The following TRDN variants were observed in gnomAD, a reference collection of about 807,000 sequenced individuals.
The protein encoded by TRDN is triadin.
Under a neutral mutation model 149.7 loss-of-function variants are expected in TRDN, and 161 were observed. That is an observed-to-expected ratio of 1.08 (90% CI 0.95 to 1.23). The LOEUF (loss-of-function observed/expected upper bound fraction) is 1.23. TRDN is among the 50% of genes most tolerant of loss of function. The pLI is 0.00. For missense variants in TRDN, 896 were observed against 823.5 expected (o/e 1.09, Z -1.08); for synonymous variants, 294 against 250.5 (o/e 1.17, Z -1.64).
At chr6:123,409,179 A>G (rs900246488) in intron 12 of TRDN, among the ~76,000 whole-genome samples, 14 of 152,304 alleles carry the variant, frequency 9.2e-5, no homozygotes, top group African/African-American at 3.4e-4. Flanking sequence ...ATAATATCAT[A>G]TAGTCACTTA....
chr6:123,321,329 C>T (rs1779234496), intron 23 of TRDN, among the ~76,000 whole-genome samples: 2 of 152,014 alleles, frequency 1.3e-5, no homozygotes, highest in Admixed American at 6.6e-5. Flanking sequence ...CTACTTTTCT[C>T]GCACTTTTCT....
chr6:123,491,550 A>G (rs186347575), intron 9 of TRDN, among the ~76,000 whole-genome samples: 89 of 152,272 alleles, frequency 5.8e-4, no homozygotes, highest in South Asian at 5.6e-3. Context: ...AATTTTTTTT[A>G]ATAATTAAAA....
At chr6:123,436,007 G>A (rs7747819) in intron 12 of TRDN, among the ~76,000 whole-genome samples, 22,148 of 151,860 alleles carry the variant, frequency 0.15, 2,230 homozygotes, top group African/African-American at 0.29. Context: ...ACACACATAC[G>A]CATGAGCACA....
intron 38 of TRDN, among the ~76,000 whole-genome samples, chr6:123,245,395 G>A (rs2114554057): frequency 6.6e-6 from 1 of 151,992 alleles, no homozygotes; most frequent in African/African-American, 2.4e-5. Context: ...AGGGATGGAG[G>A]AAGATTTACC....
intron 1 of TRDN, among the ~76,000 whole-genome samples, chr6:123,586,003 G>A (rs935189104): frequency 6.6e-6 from 1 of 152,056 alleles, no homozygotes; most frequent in Non-Finnish European, 1.5e-5. Context: ...AATGTATTTT[G>A]AGAATAAGAC....
intron 1 of TRDN, among the ~76,000 whole-genome samples, chr6:123,598,358 A>G (rs1231121237): frequency 1.3e-5 from 2 of 152,032 alleles, no homozygotes; most frequent in Non-Finnish European, 2.9e-5. Flanking sequence ...TTGTATGTAT[A>G]TTTTCCACTT....
chr6:123,447,919 C>T (rs1020397348), intron 10 of TRDN, among the ~76,000 whole-genome samples: 1 of 152,094 alleles, frequency 6.6e-6, no homozygotes, highest in African/African-American at 2.4e-5. Context: ...CGAGAGTGCC[C>T]CAACTGTGGA....
chr6:123,517,981 T>A (rs1394395464), intron 5 of TRDN, among the ~76,000 whole-genome samples: 1 of 152,162 alleles, frequency 6.6e-6, no homozygotes, highest in Non-Finnish European at 1.5e-5. Flanking sequence ...AAGGTCTCAG[T>A]CACATAGTGG....
chr6:123,452,786 A>G (rs1583054388), intron 10 of TRDN, among the ~76,000 whole-genome samples: 1 of 152,320 alleles, frequency 6.6e-6, no homozygotes, highest in East Asian at 1.9e-4. Flanking sequence ...AAGAGCCCAC[A>G]TAACCAAAAC....
intron 4 of TRDN, among the ~76,000 whole-genome samples, chr6:123,545,335 A>G (rs917702296): frequency 2.6e-5 from 4 of 151,976 alleles, no homozygotes; most frequent in Admixed American, 6.6e-5. Context: ...TGTTAAAAGT[A>G]TACTTAAAAT....
intron 7 of TRDN, among the ~76,000 whole-genome samples, chr6:123,508,280 G>A (rs145713412): frequency 6.6e-6 from 1 of 152,154 alleles, no homozygotes; most frequent in Non-Finnish European, 1.5e-5. Flanking sequence ...GGAGTAGAAA[G>A]AGTAGAATCA....
intron 24 of TRDN, among the ~76,000 whole-genome samples, chr6:123,284,275 A>G (rs995551807): frequency 1.3e-5 from 2 of 151,662 alleles, no homozygotes; most frequent in African/African-American, 4.8e-5. Flanking sequence ...CCAAAATACT[A>G]GCTAACCAAA....
intron 2 of TRDN, among the ~76,000 whole-genome samples, chr6:123,553,222 A>G (rs1459969740): frequency 1.3e-5 from 2 of 152,092 alleles, no homozygotes; most frequent in African/African-American, 2.4e-5. Context: ...GTTTCTCCCA[A>G]ACTCTTCAAG....
At chr6:123,265,812 T>A (rs1217562622) in intron 32 of TRDN, among the ~76,000 whole-genome samples, 1 of 135,020 alleles carries the variant, frequency 7.4e-6, no homozygotes, top group Non-Finnish European at 1.6e-5. Context: ...AACAATAAGG[T>A]TCCTTTATAA....
At chr6:123,321,382 AC>A (rs1384285978) in intron 23 of TRDN, among the ~76,000 whole-genome samples, 1 of 152,152 alleles carries the variant, frequency 6.6e-6, no homozygotes, top group African/African-American at 2.4e-5. Context: ...ATTAAAAAAA[AC>A]ATTTTATTTG....
intron 24 of TRDN, among the ~76,000 whole-genome samples, chr6:123,314,249 A>G (rs1237991711): frequency 1.3e-5 from 2 of 152,054 alleles, no homozygotes; most frequent in Non-Finnish European, 2.9e-5. Flanking sequence ...TATGAAAAAA[A>G]GGCTTAATAT....
chr6:123,367,105 C>T (rs967685791), intron 19 of TRDN, among the ~76,000 whole-genome samples: 1 of 151,974 alleles, frequency 6.6e-6, no homozygotes, highest in African/African-American at 2.4e-5. Flanking sequence ...GAGAGCTGCC[C>T]TGAAGTCATA....
chr6:123,278,507 T>C (rs760447406), intron 25 of TRDN, among the ~76,000 whole-genome samples, 160 bp from the exon 26 acceptor site: 1 of 152,212 alleles, frequency 6.6e-6, no homozygotes, highest in Non-Finnish European at 1.5e-5. Flanking sequence ...ACCATATTCT[T>C]ATGATTGTGG....
chr6:123,321,367 T>C (rs1779236563), intron 23 of TRDN, among the ~76,000 whole-genome samples: 1 of 152,124 alleles, frequency 6.6e-6, no homozygotes, highest in Non-Finnish European at 1.5e-5. Context: ...AATACGTATT[T>C]TAAAATTAAA....
Sources: allele counts gnomAD v4.1 joint callset (sites outside exome capture counted in the v4.1 genomes callset), GRCh38; gene constraint gnomAD v4.1.1; transcripts MANE v1.5; gene names NCBI Gene and HGNC (gene_info 2026-07-23, HGNC 2026-07-21).